Variants in SUPT3H observed in about 807,000 individuals in gnomAD.
The protein encoded by SUPT3H is SPT3 homolog, SAGA and STAGA complex component, also known as transcription initiation protein SPT3 homolog.
Under a neutral mutation model 44.3 loss-of-function variants are expected in SUPT3H, and 44 were observed. The ratio of observed to expected loss-of-function variants is 0.99; its 90% confidence interval spans 0.78 to 1.28. The LOEUF (loss-of-function observed/expected upper bound fraction) is 1.28. Among genes scored for constraint, SUPT3H ranks in the 50% most tolerant of loss-of-function variants. The probability of loss-of-function intolerance (pLI) is 0.00; values close to 1 mark genes in which losing one functional copy is unlikely to be tolerated. For synonymous variants in SUPT3H, 124 were observed against 125.6 expected (o/e 0.99, Z 0.09); for missense variants, 380 against 387.1 (o/e 0.98, Z 0.15).
At chr6:45,300,842 A>AAGAT (rs1782032717) in intron 2 of SUPT3H, among the ~76,000 whole-genome samples, 1 of 83,138 alleles carries the variant, frequency 1.2e-5, no homozygotes. Flanking sequence ...AAACCTAAGA[A>AAGAT]CTCTGTGCAC....
intron 2 of SUPT3H, among the ~76,000 whole-genome samples, chr6:45,330,184 T>C (rs556418886): frequency 6.6e-6 from 1 of 151,930 alleles, no homozygotes; most frequent in African/African-American, 2.4e-5. Context: ...TCAGTTATAA[T>C]ATATACAATA....
intron 10 of SUPT3H, among the ~76,000 whole-genome samples, chr6:44,886,656 C>CA (rs1206896174): frequency 3.3e-5 from 5 of 152,088 alleles, no homozygotes; most frequent in Non-Finnish European, 7.3e-5. Context: ...CCAGCCACTG[C>CA]AAAATCATGC....
At chr6:45,300,395 T>C (rs1180440135) in intron 2 of SUPT3H, among the ~76,000 whole-genome samples, 2 of 152,178 alleles carry the variant, frequency 1.3e-5, no homozygotes, top group African/African-American at 2.4e-5. Flanking sequence ...GCCACTAGAA[T>C]GACCCTCAAA....
chr6:45,206,882 A>G (rs1220202314), intron 2 of SUPT3H, among the ~76,000 whole-genome samples: 1 of 152,140 alleles, frequency 6.6e-6, no homozygotes, highest in Non-Finnish European at 1.5e-5. Flanking sequence ...ACTAAATTTG[A>G]GAAATCTACC....
At chr6:44,851,484 AGTCTCT>A (rs940422809) in intron 10 of SUPT3H, among the ~76,000 whole-genome samples, 1 of 152,214 alleles carries the variant, frequency 6.6e-6, no homozygotes, top group Non-Finnish European at 1.5e-5. Context: ...CAAAATACTC[AGTCTCT>A]AAGACTTGTG....
At chr6:45,038,519 C>T (rs1016725303) in intron 3 of SUPT3H, among the ~76,000 whole-genome samples, 6 of 152,112 alleles carry the variant, frequency 3.9e-5, no homozygotes, top group Non-Finnish European at 8.8e-5. Context: ...TCCACTTCAT[C>T]GTACCTAGAA....
chr6:45,315,716 GT>G (rs1293396064), intron 2 of SUPT3H, among the ~76,000 whole-genome samples: 1 of 152,060 alleles, frequency 6.6e-6, no homozygotes, highest in African/African-American at 2.4e-5. Flanking sequence ...GGAAAACAGT[GT>G]GGAAACTCCT....
At chr6:45,026,387 TTC>T (rs1158082633) in intron 3 of SUPT3H, among the ~76,000 whole-genome samples, 1 of 151,294 alleles carries the variant, frequency 6.6e-6, no homozygotes, top group African/African-American at 2.4e-5. Flanking sequence ...GGGTTTATGT[TTC>T]TCTTTTATTT....
In SUPT3H at chr6:45,163,799, TAA is replaced by T. The variant is rs35049516; in HGVS notation, c.102-57795_102-57794del. On this transcript the variant is annotated intron_variant, in intron 2 of 10. Coordinates refer to ENST00000371459, the MANE Select transcript of SUPT3H (RefSeq NM_003599.4). Reference sequence around the variant, plus strand: ...GATGCACCACCACTTGTCACTTTTATAAAAAAAAAAAAAAAGCAAGAGGTCCT... The same window carrying T: ...GATGCACCACCACTTGTCACTTTTATAAAAAAAAAAAAAGCAAGAGGTCCT... 1.1e-4 allele frequency among the ~76,000 whole-genome samples: 15 copies of T among 138,022 alleles called. No homozygotes were observed. In the East Asian group the frequency reaches 1.5e-3, roughly 14 times the overall value. The allele number at this position is 138,022 out of a possible 152,430, so 90.5% of individuals were successfully genotyped here. A position where few individuals can be genotyped will look rare whatever the true frequency, so the allele number is the denominator to read the frequency against.
At chr6:45,148,114 T>A (rs139757042) in intron 2 of SUPT3H, among the ~76,000 whole-genome samples, 207 of 152,244 alleles carry the variant, frequency 1.4e-3, no homozygotes, top group African/African-American at 4.8e-3. Context: ...GTAACATCTA[T>A]GTCTAACTGA....
chr6:45,283,957 TA>T (rs1778684072), intron 2 of SUPT3H, among the ~76,000 whole-genome samples: 1 of 152,124 alleles, frequency 6.6e-6, no homozygotes, highest in Non-Finnish European at 1.5e-5. Flanking sequence ...CAATTACATG[TA>T]AACGGAACAA....
chr6:45,328,499 G>A (rs1186731680), intron 2 of SUPT3H: 1 of 1,525,780 alleles, frequency 6.6e-7, no homozygotes, highest in South Asian at 1.1e-5. Flanking sequence ...AGTAATAGTA[G>A]GTCCTTCAAA....
At chr6:45,150,345 A>G (rs961774748) in intron 2 of SUPT3H, among the ~76,000 whole-genome samples, 12 of 152,198 alleles carry the variant, frequency 7.9e-5, no homozygotes, top group African/African-American at 2.9e-4. Context: ...GACATCAGTC[A>G]AACATACATG....
chr6:44,889,775 A>C (rs1762978890), intron 10 of SUPT3H, among the ~76,000 whole-genome samples: 1 of 152,168 alleles, frequency 6.6e-6, no homozygotes, highest in African/African-American at 2.4e-5. Flanking sequence ...ATCTAATTAA[A>C]CTAAAGAGCT....
chr6:45,248,087 C>G (rs565790673), intron 2 of SUPT3H, among the ~76,000 whole-genome samples: 12 of 152,098 alleles, frequency 7.9e-5, no homozygotes, highest in Non-Finnish European at 1.8e-4. Flanking sequence ...AAATGAATCA[C>G]AGACTTAAAT....
intron 2 of SUPT3H, among the ~76,000 whole-genome samples, chr6:45,158,021 C>G (rs1212128720): frequency 6.8e-6 from 1 of 147,998 alleles, no homozygotes; most frequent in Non-Finnish European, 1.5e-5. Context: ...CATCCATGCT[C>G]TAGGGGATTT....
At chr6:45,233,827 C>CA (rs749292930) in intron 2 of SUPT3H, among the ~76,000 whole-genome samples, 7 of 152,260 alleles carry the variant, frequency 4.6e-5, no homozygotes, top group Middle Eastern at 3.4e-3. Flanking sequence ...AAGCCACCTA[C>CA]AGCTACTCTA....
rs56009799 is a variant in SUPT3H at position 45,061,033 on chromosome 6, C to T, written c.187-40401G>A. 3.9e-3 allele frequency among the ~76,000 whole-genome samples: 594 copies of T among 152,192 alleles called. 7 individuals carry two copies. The highest frequency in any genetic ancestry group is 0.014 in the African/African-American group (566 of 41,526). On this transcript the variant is annotated intron_variant, in intron 3 of 10. Coordinates refer to ENST00000371459, the MANE Select transcript of SUPT3H (RefSeq NM_003599.4). ...TTAGTTTGACCATAGTGGAAGACAG[C>T]ATGGCAATTCCTCAAAGATCAAGAA...
intron 2 of SUPT3H, among the ~76,000 whole-genome samples, chr6:45,135,374 G>A (rs1396200753): frequency 6.6e-6 from 1 of 151,874 alleles, no homozygotes; most frequent in African/African-American, 2.4e-5. Context: ...TCTTTACATG[G>A]CCTGGCTGCA....
Sources: gnomAD v4.1 joint callset for allele counts (sites outside exome capture counted in the v4.1 genomes callset) on GRCh38, gnomAD v4.1.1 for gene constraint, MANE v1.5 for transcripts, NCBI Gene and HGNC (gene_info 2026-07-23, HGNC 2026-07-21) for gene names.